ZFHX3: variants seen among roughly 807,000 people sequenced by gnomAD.
ZFHX3 encodes the protein zinc finger homeobox protein 3.
Under a neutral mutation model 279.1 loss-of-function variants are expected in ZFHX3, and 42 were observed. That is an observed-to-expected ratio of 0.15 (90% CI 0.12 to 0.19). ZFHX3 has a LOEUF of 0.19. Among genes scored for constraint, ZFHX3 ranks in the 10% least tolerant of loss-of-function variants. The pLI is 1.00. For synonymous variants in ZFHX3, 2,293 were observed against 1,957.8 expected (o/e 1.17, Z -4.52); for missense variants, 4,981 against 4,754.0 (o/e 1.05, Z -1.40).
rs572737919 is a variant in ZFHX3 at position 72,940,452 on chromosome 16, A to T, written c.3216+10017T>A. Among the ~76,000 whole-genome samples, 3 of 152,276 alleles carry T rather than the reference A, an allele frequency of 2.0e-5. No individual in the cohort carries two copies. In the South Asian group the frequency reaches 6.2e-4, roughly 32 times the overall value. The stretch of plus-strand genomic sequence containing the variant: ...AGAAGTCAGGGTAGCCAATGCAAGG[A>T]TGCCTTCCACCCAGAACCCAGACTT... On this transcript the variant is annotated intron_variant, in intron 3 of 9. Transcript: ENST00000268489.
intron 5 of ZFHX3, among the ~76,000 whole-genome samples, chr16:73,229,485 A>T (rs1296256021): frequency 6.6e-6 from 1 of 152,200 alleles, no homozygotes; most frequent in Admixed American, 6.5e-5. Context: ...GTATAACTAC[A>T]TTATAGTTTT....
At chr16:73,484,923 A>G (rs1156992096) in intron 2 of ZFHX3, among the ~76,000 whole-genome samples, 1 of 152,184 alleles carries the variant, frequency 6.6e-6, no homozygotes, top group Non-Finnish European at 1.5e-5. Context: ...AACTGAAAGG[A>G]TACTACCACA....
At chr16:73,807,009 G>C (rs1469154488) in intron 1 of ZFHX3, among the ~76,000 whole-genome samples, 2 of 152,210 alleles carry the variant, frequency 1.3e-5, no homozygotes, top group Admixed American at 1.3e-4. Context: ...TTCTGGTCTA[G>C]AAGCAGGTGC....
Position 72,784,445 on chromosome 16 carries a change from A to G in ZFHX3, c.*2719T>C, listed in dbSNP as rs1050899866. The G allele has an allele frequency of 2.0e-5, 3 of 152,568 alleles. No individual in the cohort carries two copies. The highest frequency in any genetic ancestry group is 7.2e-5 in the African/African-American group (3 of 41,438). The allele number at this position is 152,568 out of a possible 1,614,324, so 9.5% of individuals were successfully genotyped here. A position where few individuals can be genotyped will look rare whatever the true frequency, so the allele number is the denominator to read the frequency against. ...GAATTTGACAGGTAAAGCTAGTGTTACATTGTTAACTGATATCACATAGAG... is the reference window on the plus strand; with the variant it reads ...GAATTTGACAGGTAAAGCTAGTGTTGCATTGTTAACTGATATCACATAGAG... On this transcript the variant is annotated 3_prime_UTR_variant, in exon 10 of 10. Transcript: ENST00000268489.
chr16:73,446,318 G>C (rs1293020015), intron 3 of ZFHX3, among the ~76,000 whole-genome samples: 1 of 152,162 alleles, frequency 6.6e-6, no homozygotes, highest in Non-Finnish European at 1.5e-5. Context: ...GTTCCTCAGG[G>C]CTGGGGAGGC....
At chr16:73,839,246 C>T (rs1454722552) in intron 1 of ZFHX3, among the ~76,000 whole-genome samples, 2 of 143,920 alleles carry the variant, frequency 1.4e-5, no homozygotes, top group Non-Finnish European at 3.0e-5. Flanking sequence ...CCTGTATTCC[C>T]AGCTACTTGG....
intron 7 of ZFHX3, among the ~76,000 whole-genome samples, chr16:73,120,733 C>G (rs973222705): frequency 6.9e-6 from 1 of 145,642 alleles, no homozygotes; most frequent in Non-Finnish European, 1.5e-5. Context: ...TGGCTCACTG[C>G]ACCCTCCACC....
intron 1 of ZFHX3, among the ~76,000 whole-genome samples, chr16:73,845,882 T>G (rs1961437486): frequency 1.3e-5 from 2 of 152,188 alleles, no homozygotes; most frequent in Non-Finnish European, 2.9e-5. Context: ...TGGCACAATC[T>G]TGGCTTACTG....
intron 1 of ZFHX3, among the ~76,000 whole-genome samples, chr16:73,004,250 C>T (rs772124703): frequency 1.1e-4 from 16 of 142,918 alleles, no homozygotes; most frequent in Non-Finnish European, 2.2e-4. Flanking sequence ...AGCAATCCTC[C>T]CACCTCAGCC....
At chr16:73,186,896 A>C (rs1057048688) in intron 5 of ZFHX3, among the ~76,000 whole-genome samples, 1 of 152,200 alleles carries the variant, frequency 6.6e-6, no homozygotes, top group Non-Finnish European at 1.5e-5. Flanking sequence ...CTAAGAATTT[A>C]AATTATCTCT....
intron 2 of ZFHX3, among the ~76,000 whole-genome samples, chr16:73,545,888 A>T (rs541285461): frequency 1.3e-4 from 20 of 152,268 alleles, no homozygotes; most frequent in Non-Finnish European, 2.5e-4. Context: ...AAGATATTGC[A>T]GGGGACAAAC....
Position 72,798,318 on chromosome 16 carries a change from A to T in ZFHX3, c.4364T>A (p.Leu1455Gln), listed in dbSNP as rs755676364. 1.2e-6 allele frequency: 2 copies of T among 1,614,076 alleles called. No individual in the cohort carries two copies. The highest frequency in any genetic ancestry group is 2.7e-5 in the African/African-American group (2 of 74,934). Residue 1455 changes from leucine to glutamine, a missense_variant, in exon 9 of 10, where the codon CTG becomes CAG. By Grantham distance (113) the Leu-to-Gln change is moderately radical. Transcript: ENST00000268489. ...KKHLETSHLE[L>Q]SEADIQQLYG... ...AAGCTGTTGGATGTCAGCCTCACTCAGCTCCAGGTGGCTTGTCTCAAGGTG... is the reference window on the plus strand; with the variant it reads ...AAGCTGTTGGATGTCAGCCTCACTCTGCTCCAGGTGGCTTGTCTCAAGGTG...
intron 5 of ZFHX3, among the ~76,000 whole-genome samples, chr16:73,219,957 G>A (rs1327586588): frequency 6.6e-6 from 1 of 152,040 alleles, no homozygotes; most frequent in African/African-American, 2.4e-5. Flanking sequence ...GTGGTGACAC[G>A]TGCCTGTAAT....
intron 2 of ZFHX3, chr16:73,499,632 C>T (rs890688086): frequency 6.6e-6 from 1 of 152,152 alleles, no homozygotes; most frequent in Non-Finnish European, 1.5e-5. Flanking sequence ...AAACCCAACT[C>T]TTTAGGAATG....
chr16:73,268,879 G>A (rs1208119222), intron 4 of ZFHX3, among the ~76,000 whole-genome samples: 2 of 152,128 alleles, frequency 1.3e-5, no homozygotes, highest in Non-Finnish European at 2.9e-5. Context: ...TATTTACTGT[G>A]GGCAACTGCA....
chr16:73,376,653 G>A (rs560914509), intron 3 of ZFHX3, among the ~76,000 whole-genome samples: 6 of 152,260 alleles, frequency 3.9e-5, no homozygotes, highest in South Asian at 4.2e-4. Flanking sequence ...GGCAACAACC[G>A]TACGGGAAGA....
chr16:73,621,230 C>T (rs1400593813), intron 2 of ZFHX3, among the ~76,000 whole-genome samples: 4 of 152,152 alleles, frequency 2.6e-5, no homozygotes, highest in South Asian at 2.1e-4. Context: ...GTTTCCCTTC[C>T]GCAGCGTTAC....
intron 3 of ZFHX3, among the ~76,000 whole-genome samples, chr16:73,416,159 A>C (rs1298731062): frequency 6.6e-6 from 1 of 151,200 alleles, no homozygotes; most frequent in African/African-American, 2.5e-5. Context: ...AAAACAAACA[A>C]ACAAAAAACA....
At chr16:72,927,935 A>C (rs1027226063) in intron 3 of ZFHX3, among the ~76,000 whole-genome samples, 2 of 150,070 alleles carry the variant, frequency 1.3e-5, no homozygotes, top group African/African-American at 2.5e-5. Context: ...GGGGAGGACT[A>C]AGACTCAGTA....
Sources: gnomAD v4.1 joint callset for allele counts (sites outside exome capture counted in the v4.1 genomes callset) on GRCh38, gnomAD v4.1.1 for gene constraint, MANE v1.5 for transcripts, NCBI Gene and HGNC (gene_info 2026-07-23, HGNC 2026-07-21) for gene names.